The following KCNQ5 variants were observed in gnomAD, a reference collection of about 807,000 sequenced individuals.
The protein encoded by KCNQ5 is potassium voltage-gated channel subfamily Q member 5.
A neutral mutation model predicts 98.2 loss-of-function variants in KCNQ5; 30 were observed. That is an observed-to-expected ratio of 0.31 (90% confidence interval 0.23 to 0.41). KCNQ5 has a LOEUF of 0.41. Ranked by LOEUF, KCNQ5 falls within the 10% of genes least tolerant of loss-of-function variation. The pLI, the probability that KCNQ5 is intolerant of heterozygous loss-of-function variation, is 1.00. For synonymous variants in KCNQ5, 458 were observed against 449.4 expected, an observed-to-expected ratio of 1.02 and a Z score of -0.24; for missense variants, 835 against 1,182.5, an observed-to-expected ratio of 0.71 and a Z score of 4.31.
chr6:72,879,111 A>C (rs945791996), intron 1 of KCNQ5, among the ~76,000 whole-genome samples: 4 of 152,090 alleles, frequency 2.6e-5, no homozygotes, highest in Non-Finnish European at 4.4e-5. Flanking sequence ...ACTATCTGCC[A>C]GTTTCTCTGG....
intron 1 of KCNQ5, among the ~76,000 whole-genome samples, chr6:72,923,560 C>A (rs1406141771): frequency 6.6e-6 from 1 of 152,018 alleles, no homozygotes; most frequent in East Asian, 1.9e-4. Context: ...TAATCCTTTG[C>A]CCATTTGTTG....
intron 1 of KCNQ5, among the ~76,000 whole-genome samples, chr6:72,693,552 G>A (rs1336995458): frequency 6.6e-6 from 1 of 152,164 alleles, no homozygotes; most frequent in Non-Finnish European, 1.5e-5. Flanking sequence ...GAAAAAAAGG[G>A]TAAGATTGCA....
intron 2 of KCNQ5, among the ~76,000 whole-genome samples, chr6:73,015,828 T>C (rs1239401979): frequency 2.6e-5 from 4 of 152,174 alleles, no homozygotes; most frequent in South Asian, 2.1e-4. Context: ...TATCTTTCCA[T>C]GCTGTGATCA....
At chr6:72,840,329 C>T (rs1387436687) in intron 1 of KCNQ5, among the ~76,000 whole-genome samples, 3 of 152,152 alleles carry the variant, frequency 2.0e-5, no homozygotes, top group Non-Finnish European at 4.4e-5. Flanking sequence ...TTTAAAGATC[C>T]TCCATAATGG....
At chr6:72,859,133 C>CA (rs1329958803) in intron 1 of KCNQ5, among the ~76,000 whole-genome samples, 1 of 152,102 alleles carries the variant, frequency 6.6e-6, no homozygotes, top group Non-Finnish European at 1.5e-5. Context: ...CTTCCTCTTT[C>CA]AAAAACTCCA....
intron 8 of KCNQ5, among the ~76,000 whole-genome samples, chr6:73,123,572 C>A (rs918352357): frequency 6.6e-6 from 1 of 152,166 alleles, no homozygotes; most frequent in Non-Finnish European, 1.5e-5. Context: ...CTTACATACA[C>A]TCTAGAGGTC....
At position 72,957,139 on chromosome 6, in the gene KCNQ5, A is replaced by C. The variant is rs577704928; in HGVS notation, c.399-46769A>C. Among the ~76,000 whole-genome samples the C allele has an allele frequency of 1.5e-4, 22 of 145,996 alleles. No individual in the cohort carries two copies. The South Asian group carries it at 3.8e-3, about 25-fold the overall frequency. On this transcript the variant is annotated intron_variant, in intron 1 of 13. Coordinates refer to ENST00000370398, the MANE Select transcript of KCNQ5 (RefSeq NM_019842.4). ...AGTAAGGGTGGACCTAGAGCAGTAG[A>C]TCTCACCCCTGGCTGTACATATGTA...
At chr6:73,054,153 G>C (rs371586832) in intron 3 of KCNQ5, among the ~76,000 whole-genome samples, 13 of 152,190 alleles carry the variant, frequency 8.5e-5, no homozygotes, top group African/African-American at 3.1e-4. Flanking sequence ...GGAAGAAATT[G>C]AATCCTGGAC....
At chr6:73,172,241 C>T (rs1198407285) in intron 11 of KCNQ5, among the ~76,000 whole-genome samples, 1 of 152,032 alleles carries the variant, frequency 6.6e-6, no homozygotes, top group African/African-American at 2.4e-5. Flanking sequence ...GGTTTTTCAT[C>T]ACTTCTAAAT....
At chr6:72,649,494 G>A (rs1336255078) in intron 1 of KCNQ5, among the ~76,000 whole-genome samples, 3 of 152,058 alleles carry the variant, frequency 2.0e-5, no homozygotes, top group Non-Finnish European at 2.9e-5. Flanking sequence ...ATGGAGCTAC[G>A]GACCCAGTAA....
chr6:72,669,270 A>G (rs935523794), intron 1 of KCNQ5, among the ~76,000 whole-genome samples: 1 of 152,222 alleles, frequency 6.6e-6, no homozygotes, highest in Admixed American at 6.5e-5. Flanking sequence ...TGAGACAGTT[A>G]TAGGATAGAC....
intron 1 of KCNQ5, among the ~76,000 whole-genome samples, chr6:72,994,607 A>C (rs1385021821): frequency 2.0e-5 from 3 of 150,426 alleles, no homozygotes; most frequent in African/African-American, 7.4e-5. Flanking sequence ...GAAATGCAGA[A>C]ATCACCCGTC....
chr6:73,055,645 T>C lies in KCNQ5; in HGVS notation c.616+13583T>C. On this transcript the variant is annotated intron_variant, in intron 3 of 13. Transcript: ENST00000370398. ...GGAAATGGGTACTGACTGCAGCCCA[T>C]GGCAACAGCCTCTGGGGCACTGACA... The C allele has an allele frequency of 7.8e-6, 9 of 1,157,124 alleles. 1 individual carries two copies. In the South Asian group the frequency reaches 1.1e-4, roughly 14 times the overall value. The allele number at this position is 1,157,124 out of a possible 1,614,324, so 71.7% of individuals were successfully genotyped here. A position where few individuals can be genotyped will look rare whatever the true frequency, so the allele number is the denominator to read the frequency against.
chr6:73,018,566 G>T (rs1770454770), intron 2 of KCNQ5, among the ~76,000 whole-genome samples: 1 of 151,766 alleles, frequency 6.6e-6, no homozygotes, highest in African/African-American at 2.4e-5. Flanking sequence ...ATTCACTAAG[G>T]ACCTACCAGG....
chr6:72,789,205 T>C (rs1773906602), intron 1 of KCNQ5, among the ~76,000 whole-genome samples: 1 of 152,084 alleles, frequency 6.6e-6, no homozygotes, highest in African/African-American at 2.4e-5. Flanking sequence ...TCGCCTAGGA[T>C]GGAGGGCAGT....
chr6:73,167,141 T>C (rs1407697556), intron 10 of KCNQ5, among the ~76,000 whole-genome samples: 1 of 152,198 alleles, frequency 6.6e-6, no homozygotes, highest in Non-Finnish European at 1.5e-5. Context: ...CTAAAAAGAC[T>C]GTGTTGTGTG....
chr6:73,092,541 T>C (rs1774297643), intron 5 of KCNQ5, among the ~76,000 whole-genome samples: 1 of 151,956 alleles, frequency 6.6e-6, no homozygotes, highest in African/African-American at 2.4e-5. Flanking sequence ...TTATTACTTT[T>C]ATTACATTGT....
At chr6:72,665,215 G>T (rs1159173166) in intron 1 of KCNQ5, among the ~76,000 whole-genome samples, 1 of 151,788 alleles carries the variant, frequency 6.6e-6, no homozygotes, top group African/African-American at 2.4e-5. Context: ...AGGCATGGTG[G>T]TGCACGCCTG....
intron 1 of KCNQ5, among the ~76,000 whole-genome samples, chr6:72,726,105 T>TAA (rs57711571): frequency 1.7e-3 from 257 of 148,224 alleles, no homozygotes; most frequent in African/African-American, 4.3e-3. Flanking sequence ...TGATGTTTGG[T>TAA]AAAAAAAAAA....
Sources: gnomAD v4.1 joint callset for allele counts (sites outside exome capture counted in the v4.1 genomes callset) on GRCh38, gnomAD v4.1.1 for gene constraint, MANE v1.5 for transcripts, NCBI Gene and HGNC (gene_info 2026-07-23, HGNC 2026-07-21) for gene names.